The following COCH variants were observed in gnomAD, a reference collection of about 807,000 sequenced individuals.
The protein encoded by COCH is cochlin.
COCH carries 40 observed loss-of-function variants against 54.8 expected under a neutral mutation model. The ratio of observed to expected loss-of-function variants is 0.73; its 90% confidence interval spans 0.57 to 0.95. The LOEUF (loss-of-function observed/expected upper bound fraction) is 0.95. Ranked by LOEUF, COCH falls within the 40% of genes least tolerant of loss-of-function variation. The probability of loss-of-function intolerance (pLI) is 0.00; values close to 1 mark genes in which losing one functional copy is unlikely to be tolerated. For synonymous variants in COCH, 256 were observed against 237.9 expected, an observed-to-expected ratio of 1.08 and a Z score of -0.70; for missense variants, 605 against 675.0, an observed-to-expected ratio of 0.90 and a Z score of 1.15.
chr14:30,891,794 G>T (rs1895988227), downstream of COCH, among the ~76,000 whole-genome samples: 1 of 152,012 alleles, frequency 6.6e-6, no homozygotes, highest in Non-Finnish European at 1.5e-5. Flanking sequence ...AAGTAACCAG[G>T]GAATAGCAGC....
chr14:30,895,460 G>A, downstream of COCH: 2 of 1,613,866 alleles, frequency 1.2e-6, no homozygotes, highest in Non-Finnish European at 1.7e-6. Flanking sequence ...AGCTATATAT[G>A]CTTTTGACGA....
chr14:30,894,584 G>C (rs1285441001), downstream of COCH: 1 of 153,102 alleles, frequency 6.5e-6, no homozygotes, highest in Non-Finnish European at 1.5e-5. Context: ...AAACCCCACT[G>C]TTTCATTTTA....
intron 3 of COCH, 47 bp downstream of exon 3, chr14:30,875,150 C>T: frequency 1.9e-6 from 3 of 1,543,810 alleles, no homozygotes; most frequent in Non-Finnish European, 2.6e-6. Flanking sequence ...AGGGGCTGAG[C>T]ACCAGCGGGT....
chr14:30,889,693 T>C lies in COCH; in HGVS notation c.1555T>C (p.Ser519Pro), dbSNP rs1219863113. Residue 519 changes from serine (S) to proline (P), a missense_variant, in exon 12 of 12, where the codon TCT (serine) becomes CCT (proline). Ser to Pro is a moderately conservative substitution (Grantham distance 74). Transcript: ENST00000396618. ...AGATATGGCTTCTAAACCGAAGGAG[T>C]CTCATGCTTTCTTCACAAGAGAGTT... The part of the protein sequence containing the change: ...LKDMASKPKE[S>P]HAFFTREFTG... 1.9e-6 allele frequency: 3 copies of C among 1,613,828 alleles called. No individual in the cohort carries two copies. The highest frequency in any genetic ancestry group is 2.5e-6 in the Non-Finnish European group (3 of 1,179,858).
intron 8 of COCH, among the ~76,000 whole-genome samples, chr14:30,882,134 T>TG (rs1895628046): frequency 1.6e-5 from 2 of 124,768 alleles, no homozygotes; most frequent in Non-Finnish European, 3.3e-5. Context: ...TTTTTTTTTT[T>TG]TTTTTTTTTT....
rs1259900627 is a variant in COCH at position 30,886,309 on chromosome 14, G to T, written c.1474G>T (p.Ala492Ser). 3 of 1,614,004 alleles carry T rather than the reference G, an allele frequency of 1.9e-6. No homozygotes were observed. The highest frequency in any genetic ancestry group is 2.2e-5 in the South Asian group (2 of 91,064). Residue 492 changes from alanine to serine, a missense_variant, in exon 11 of 12, where the codon GCA (alanine) becomes TCA (serine). Transcript: ENST00000396618. ...AGGCCCTGCAGCTGCTGCACATGAT[G>T]CAGGTAAGGTCCTTGTTCTTTATAG... ...VQGPAAAAHDAGITIFSVGVA... is the reference protein window; with the variant it reads ...VQGPAAAAHDSGITIFSVGVA...
At chr14:30,892,898 A>C (rs73260373), downstream of COCH, among the ~76,000 whole-genome samples, 1,349 of 152,172 alleles carry the variant, frequency 8.9e-3, 17 homozygotes, top group African/African-American at 0.03. Context: ...TAGATGACAA[A>C]ATTTCTCAGT....
At chr14:30,875,252 GTTA>G in intron 3 of COCH, 149 bp downstream of exon 3, 1 of 1,115,348 alleles carries the variant, frequency 9.0e-7, no homozygotes, top group South Asian at 1.5e-5. Flanking sequence ...GCGCGCCCGC[GTTA>G]ACCCCTGCAG....
chr14:30,875,023 C>T, intron 2 of COCH, 33 bp from the exon 3 acceptor site: 1 of 1,612,782 alleles, frequency 6.2e-7, no homozygotes, highest in Middle Eastern at 1.6e-4. Context: ...TGGGTGGAGG[C>T]TGGAGCCAGC....
chr14:30,883,289 A>T (rs1284304349), intron 8 of COCH, among the ~76,000 whole-genome samples: 1 of 152,218 alleles, frequency 6.6e-6, no homozygotes, highest in Non-Finnish European at 1.5e-5. Flanking sequence ...ATTCCCCTGC[A>T]GTACTTTTTG....
downstream of COCH, among the ~76,000 whole-genome samples, chr14:30,892,093 T>C (rs973042439): frequency 2.2e-5 from 3 of 135,360 alleles, no homozygotes; most frequent in African/African-American, 7.3e-5. Context: ...TATTAAGATT[T>C]GTATAAAGTA....
chr14:30,892,554 A>G (rs541351973), downstream of COCH, among the ~76,000 whole-genome samples: 2 of 152,216 alleles, frequency 1.3e-5, no homozygotes, highest in African/African-American at 4.8e-5. Flanking sequence ...AATCCCAGCC[A>G]GCACTTTGGG....
At chr14:30,894,998 C>A, downstream of COCH, 1 of 612,048 alleles carries the variant, frequency 1.6e-6, no homozygotes, top group Non-Finnish European at 2.1e-6. Flanking sequence ...TCTTGGAGCT[C>A]ACTTCCCCCA....
At chr14:30,876,795 A>T (rs953511224) in intron 3 of COCH, among the ~76,000 whole-genome samples, 12 of 152,096 alleles carry the variant, frequency 7.9e-5, no homozygotes, top group African/African-American at 2.2e-4. Flanking sequence ...GTTGAGATTT[A>T]AAAATTTTTT....
rs755106768 is a variant in COCH, at chr14:30,885,949, AT to A, written c.1116del (p.Ile372MetfsTer22). The A allele has an allele frequency of 6.2e-7, 1 of 1,614,220 alleles. No homozygotes were observed. The highest frequency in any genetic ancestry group is 8.5e-7 in the Non-Finnish European group (1 of 1,180,030). Reference sequence around the variant, plus strand: ...TAACTCAGTGAACATTGCCTTTCTAATTGATGGCTCCAGCAGTGTTGGAGAT... The same window carrying A: ...TAACTCAGTGAACATTGCCTTTCTAATGATGGCTCCAGCAGTGTTGGAGAT... ...CYNSVNIAFLIDGSSSVGDSN... is the reference protein window; with the variant it reads ...CYNSVNIAFLXDGSSSVGDSN... On this transcript the variant is annotated frameshift_variant, in exon 11 of 12. Transcript: ENST00000396618. LOFTEE classifies it high-confidence loss of function.
At chr14:30,892,776 C>A (rs576205165), downstream of COCH, among the ~76,000 whole-genome samples, 11 of 151,464 alleles carry the variant, frequency 7.3e-5, no homozygotes, top group South Asian at 2.1e-4. Flanking sequence ...CATTGCACTC[C>A]AGCCTGGGCA....
chr14:30,892,082 ATAT>A (rs1266681565), downstream of COCH, among the ~76,000 whole-genome samples: 2 of 148,582 alleles, frequency 1.3e-5, no homozygotes, highest in African/African-American at 4.8e-5. Context: ...AGAAATCAAC[ATAT>A]TAAGATTTGT....
At chr14:30,884,941 G>A (rs752078918) in intron 9 of COCH, 1 of 1,597,136 alleles carries the variant, frequency 6.3e-7, no homozygotes, top group African/African-American at 1.3e-5. Context: ...TCTTTGTAAT[G>A]CTAAAAAGAA....
chr14:30,882,602 T>C (rs572795533), intron 8 of COCH, among the ~76,000 whole-genome samples: 20 of 152,356 alleles, frequency 1.3e-4, no homozygotes, highest in African/African-American at 4.8e-4. Context: ...GTCATTCTTA[T>C]TATTTCTTCA....
Sources: allele counts gnomAD v4.1 joint callset (sites outside exome capture counted in the v4.1 genomes callset), GRCh38; gene constraint gnomAD v4.1.1; transcripts MANE v1.5; gene names NCBI Gene and HGNC (gene_info 2026-07-23, HGNC 2026-07-21).